UGT2A2: variants seen among roughly 807,000 people sequenced by gnomAD.
The protein encoded by UGT2A2 is UDP glucuronosyltransferase family 2 member A2.
A neutral mutation model predicts 50.7 loss-of-function variants in UGT2A2; 60 were observed. The observed-to-expected ratio is 1.18, with a 90% CI of 0.96 to 1.47. The LOEUF (loss-of-function observed/expected upper bound fraction) is 1.47, where lower values mean the gene tolerates loss of function less well. UGT2A2 is among the 40% of genes most tolerant of loss of function. The pLI, the probability that UGT2A2 is intolerant of heterozygous loss-of-function variation, is 0.00. For missense variants in UGT2A2, 762 were observed against 634.0 expected (o/e 1.20, Z -2.17); for synonymous variants, 242 against 214.6 (o/e 1.13, Z -1.11).
chr4:69,632,713 C>T (rs1184851413), intron 1 of UGT2A2, among the ~76,000 whole-genome samples: 1 of 151,820 alleles, frequency 6.6e-6, no homozygotes, highest in Non-Finnish European at 1.5e-5. Context: ...CAGAATGAAA[C>T]CCTGTCTCTA....
chr4:69,612,935 C>G (rs1393925302), intron 1 of UGT2A2, among the ~76,000 whole-genome samples: 1 of 143,070 alleles, frequency 7.0e-6, no homozygotes, highest in Non-Finnish European at 1.5e-5. Context: ...CCAGAGAGTA[C>G]AAAGACAACC....
Position 69,589,343 on chromosome 4 carries a change from A to T in UGT2A2, c.*29T>A. 6.4e-7 allele frequency: 1 copy of T among 1,567,576 alleles called. No homozygotes were observed. Among genetic ancestry groups the T allele is most frequent in the South Asian group, 1.2e-5 (1 of 84,294 alleles). On this transcript the variant is annotated 3_prime_UTR_variant, in exon 6 of 6. Coordinates refer to ENST00000604629, the MANE Select transcript of UGT2A2 (RefSeq NM_001105677.2). ...CTACTCAGGATTTTGCCAAACTTAAAAATATATATATTTCCTCTTTTTCTT... is the reference window on the plus strand; with the variant it reads ...CTACTCAGGATTTTGCCAAACTTAATAATATATATATTTCCTCTTTTTCTT...
chr4:69,629,260 G>A (rs942251546), intron 1 of UGT2A2, among the ~76,000 whole-genome samples: 16 of 152,038 alleles, frequency 1.1e-4, no homozygotes, highest in Admixed American at 1.0e-3. Context: ...CTAGCACTAT[G>A]AATAGCGTTC....
rs762845902 is a variant in UGT2A2, at chr4:69,630,268, C to T, written c.742+8631G>A. ...CATTTTTTTCTCCTGCAATTTTTGA[C>T]GTAGTTGGAGTGAGGCCATATGCAA... On this transcript the variant is annotated intron_variant, in intron 1 of 5. Coordinates refer to ENST00000604629, the MANE Select transcript of UGT2A2 (RefSeq NM_001105677.2). Among the ~76,000 whole-genome samples, 12 of 152,046 alleles carry T rather than the reference C, an allele frequency of 7.9e-5. No individual in the cohort carries two copies. The South Asian group carries it at 1.0e-3, about 13-fold the overall frequency.
chr4:69,609,560 T>C (rs1355189489), intron 1 of UGT2A2, among the ~76,000 whole-genome samples: 1 of 151,936 alleles, frequency 6.6e-6, no homozygotes, highest in East Asian at 1.9e-4. Flanking sequence ...TAAAAGTCAG[T>C]AAATGAATTG....
At chr4:69,622,283 T>G (rs998697939) in intron 1 of UGT2A2, among the ~76,000 whole-genome samples, 4 of 151,806 alleles carry the variant, frequency 2.6e-5, no homozygotes, top group African/African-American at 9.6e-5. Flanking sequence ...AATAATATAA[T>G]GTATAACACC....
At chr4:69,606,096 C>A (rs1719594205) in intron 1 of UGT2A2, among the ~76,000 whole-genome samples, 1 of 126,732 alleles carries the variant, frequency 7.9e-6, no homozygotes, top group Non-Finnish European at 1.7e-5. Flanking sequence ...ATCCTGATAT[C>A]AAAGCCTGGC....
intron 1 of UGT2A2, among the ~76,000 whole-genome samples, chr4:69,630,224 T>C (rs975437457): frequency 5.9e-5 from 9 of 152,260 alleles, no homozygotes; most frequent in African/African-American, 1.9e-4. Flanking sequence ...AATAGCTCCA[T>C]CTGCAGTTGG....
intron 1 of UGT2A2, among the ~76,000 whole-genome samples, chr4:69,610,591 CT>C (rs1719977302): frequency 6.6e-6 from 1 of 152,082 alleles, no homozygotes; most frequent in African/African-American, 2.4e-5. Context: ...TATATGAAGC[CT>C]GACTGTATTT....
Position 69,594,644 on chromosome 4 carries a change from G to A in UGT2A2, c.1164C>T (p.Tyr388=), listed in dbSNP as rs142612486. The part of the protein sequence containing the change: ...FITHGGTNGI[Y]EAIYHGVPMV... ...TAGGGACTCCGTGGTAAATAGCTTC[G>A]TAGATCCCATTAGTTCCACCATGAG... is the stretch of plus-strand genomic sequence containing the variant. Residue 388 remains tyrosine (Y), a synonymous_variant, in exon 5 of 6, where the codon TAC becomes TAT. Transcript: ENST00000604629. 136 of 1,613,954 alleles carry A rather than the reference G, an allele frequency of 8.4e-5. No individual in the cohort carries two copies. Among genetic ancestry groups the A allele is most frequent in the East Asian group, 2.9e-4 (13 of 44,872 alleles).
intron 1 of UGT2A2, among the ~76,000 whole-genome samples, chr4:69,600,998 C>G (rs1719253508): frequency 6.6e-6 from 1 of 152,052 alleles, no homozygotes; most frequent in Admixed American, 6.6e-5. Flanking sequence ...TAAACCATCT[C>G]AGTGGGGAAG....
chr4:69,596,398 T>G lies in UGT2A2; in HGVS notation c.892-17A>C. The G allele has an allele frequency of 6.5e-7, 1 of 1,548,994 alleles. No homozygotes were observed. The highest frequency in any genetic ancestry group is 2.3e-5 in the East Asian group (1 of 43,022). ...TTCCATTTCCTGCATACATAATATATTTTCTATTACAAAGGTGTAGCATCA... is the reference window on the plus strand; with the variant it reads ...TTCCATTTCCTGCATACATAATATAGTTTCTATTACAAAGGTGTAGCATCA... On this transcript the variant is annotated splice_polypyrimidine_tract_variant and intron_variant, in intron 2 of 5. Transcript: ENST00000604629.
chr4:69,616,806 T>C (rs968690606), intron 1 of UGT2A2, among the ~76,000 whole-genome samples: 1 of 150,746 alleles, frequency 6.6e-6, no homozygotes, highest in African/African-American at 2.4e-5. Flanking sequence ...TAATGACACT[T>C]TCTAAATTTC....
chr4:69,619,079 AG>A (rs1192882030), intron 1 of UGT2A2, among the ~76,000 whole-genome samples: 2 of 151,922 alleles, frequency 1.3e-5, no homozygotes, highest in South Asian at 2.1e-4. Context: ...ATCAGAAAAA[AG>A]TTTATCAATA....
chr4:69,631,976 A>C (rs1445771707), intron 1 of UGT2A2, among the ~76,000 whole-genome samples: 1 of 152,136 alleles, frequency 6.6e-6, no homozygotes, highest in Non-Finnish European at 1.5e-5. Flanking sequence ...CAATATAAGC[A>C]CCACAGTTTG....
rs572735278 is a variant in UGT2A2 at position 69,624,588 on chromosome 4, T to C, written c.742+14311A>G. Among the ~76,000 whole-genome samples, 36 of 151,472 alleles carry C rather than the reference T, an allele frequency of 2.4e-4. No homozygotes were observed. In the East Asian group the frequency reaches 6.4e-3, roughly 27 times the overall value. ...ATTAGTTGAACACATTTTATGATCC[T>C]AGTTGATTTTTTTTAGCTTATTAAA... On this transcript the variant is annotated intron_variant, in intron 1 of 5. Coordinates refer to ENST00000604629, the MANE Select transcript of UGT2A2 (RefSeq NM_001105677.2).
At chr4:69,593,647 T>C (rs1718715471) in intron 5 of UGT2A2, among the ~76,000 whole-genome samples, 1 of 151,574 alleles carries the variant, frequency 6.6e-6, no homozygotes, top group African/African-American at 2.4e-5. Flanking sequence ...CAGATAAAAT[T>C]ATACTTAAAT....
Position 69,596,346 on chromosome 4 carries a change from A to G in UGT2A2, c.927T>C (p.Asn309=), listed in dbSNP as rs1461503122. The change falls in exon 3 of 6, where the codon AAT becomes AAC. Residue 309 remains asparagine, a synonymous_variant. Coordinates refer to ENST00000604629, the MANE Select transcript of UGT2A2 (RefSeq NM_001105677.2). The stretch of plus-strand genomic sequence containing the variant: ...ATCCCAGAGAAAACACCACAACACC[A>G]TTTTTACCTGAGCTCTGGATAAATT... ...MEEFIQSSGK[N]GVVVFSLGSM... 6.2e-7 allele frequency: 1 copy of G among 1,605,094 alleles called. No homozygotes were observed.
At chr4:69,628,144 T>C (rs1470034514) in intron 1 of UGT2A2, among the ~76,000 whole-genome samples, 1 of 151,938 alleles carries the variant, frequency 6.6e-6, no homozygotes, top group Non-Finnish European at 1.5e-5. Context: ...AGGTCTTAGG[T>C]TGAATATTTA....
Sources: allele counts gnomAD v4.1 joint callset (sites outside exome capture counted in the v4.1 genomes callset), GRCh38; gene constraint gnomAD v4.1.1; transcripts MANE v1.5; gene names NCBI Gene and HGNC (gene_info 2026-07-23, HGNC 2026-07-21).